OGDH: variants seen among roughly 807,000 people sequenced by gnomAD.
OGDH encodes 2-oxoglutarate dehydrogenase complex component E1.
Under a neutral mutation model 116.6 loss-of-function variants are expected in OGDH, and 38 were observed. That is an observed-to-expected ratio of 0.33 (90% confidence interval 0.25 to 0.43). OGDH has a LOEUF of 0.43. Ranked by LOEUF, OGDH falls within the 20% of genes least tolerant of loss-of-function variation. OGDH has a pLI of 1.00. For synonymous variants in OGDH, 488 were observed against 533.3 expected (o/e 0.92, Z 1.17); for missense variants, 825 against 1,357.2 (o/e 0.61, Z 6.16).
chr7:44,634,448 A>G (rs1196001437), intron 2 of OGDH, among the ~76,000 whole-genome samples: 1 of 152,192 alleles, frequency 6.6e-6, no homozygotes, highest in East Asian at 1.9e-4. Flanking sequence ...CCCAGCAAAT[A>G]TCATTCTGAT....
intron 5 of OGDH, among the ~76,000 whole-genome samples, chr7:44,669,683 C>T (rs1787347793): frequency 6.6e-6 from 1 of 151,962 alleles, no homozygotes; most frequent in African/African-American, 2.4e-5. Flanking sequence ...GAAGGGCTGC[C>T]TCCCTTTCAG....
rs566040898 is a variant in OGDH at position 44,645,017 on chromosome 7, G to A, written c.223-310G>A. On this transcript the variant is annotated intron_variant, in intron 2 of 22. Transcript: ENST00000222673. ...TCCCCAGGCCCAGTGAATAGGAACT[G>A]AGGAGAGCTGTTGGCATTGGGCCTT... is the stretch of plus-strand genomic sequence containing the variant. Among the ~76,000 whole-genome samples, 9 of 152,340 alleles carry A rather than the reference G, an allele frequency of 5.9e-5. No individual in the cohort carries two copies. In the South Asian group the frequency reaches 1.2e-3, roughly 21 times the overall value.
At position 44,701,780 on chromosome 7, in the gene OGDH, C is replaced by T. The variant is rs546973985; in HGVS notation, c.2632+165C>T. Among the ~76,000 whole-genome samples, 11 of 152,252 alleles carry T rather than the reference C, an allele frequency of 7.2e-5. No homozygotes were observed. In the East Asian group the frequency reaches 9.7e-4, roughly 13 times the overall value. ...ATACATGGCTGGGCACAGTGGCTCA[C>T]GCCTGTAATCCCAGCACTTTGGGAG... On this transcript the variant is annotated intron_variant, in intron 20 of 22. Coordinates refer to ENST00000222673, the MANE Select transcript of OGDH (RefSeq NM_002541.4).
chr7:44,632,461 CCTGA>C (rs1254295443), intron 2 of OGDH, among the ~76,000 whole-genome samples: 56 of 152,278 alleles, frequency 3.7e-4, no homozygotes, highest in Middle Eastern at 3.4e-3. Flanking sequence ...CACCACCATG[CCTGA>C]CTAATATTTT....
chr7:44,681,894 T>G, intron 10 of OGDH, 46 bp downstream of exon 10: 4 of 1,602,494 alleles, frequency 2.5e-6, no homozygotes, highest in Non-Finnish European at 3.4e-6. Flanking sequence ...TCAGTCTTAC[T>G]TAGAATGACA....
At chr7:44,636,567 A>G (rs1374248614) in intron 2 of OGDH, among the ~76,000 whole-genome samples, 1 of 152,226 alleles carries the variant, frequency 6.6e-6, no homozygotes, top group African/African-American at 2.4e-5. Flanking sequence ...ATATCATCTG[A>G]ATTTAATTCA....
At chr7:44,628,009 G>A (rs1315099967) in intron 2 of OGDH, among the ~76,000 whole-genome samples, 1 of 152,156 alleles carries the variant, frequency 6.6e-6, no homozygotes, top group African/African-American at 2.4e-5. Flanking sequence ...GTTTTATAGT[G>A]TTTCCAAGCA....
In OGDH at chr7:44,693,862, C is replaced by T. The variant is rs2116337965; in HGVS notation, c.1373C>T (p.Ser458Phe). 1 of 1,609,352 alleles carries T rather than the reference C, an allele frequency of 6.2e-7. No homozygotes were observed. ...FTTDPRMARS[S>F]PYPTDVARVV... ...ACCGACCCTCGGATGGCCCGCTCCT[C>T]CCCCTACCCCACTGACGTGGCCCGA... The change falls in exon 11 of 23, where the codon TCC becomes TTC. Residue 458 changes from serine to phenylalanine, a missense_variant. Coordinates refer to ENST00000222673, the MANE Select transcript of OGDH (RefSeq NM_002541.4).
At chr7:44,639,246 A>T (rs1247752642) in intron 2 of OGDH, among the ~76,000 whole-genome samples, 1 of 152,274 alleles carries the variant, frequency 6.6e-6, no homozygotes, top group East Asian at 1.9e-4. Context: ...GAGAAGAGGT[A>T]TCTCCTTGGG....
At chr7:44,654,425 A>G (rs1786594836) in intron 4 of OGDH, among the ~76,000 whole-genome samples, 2 of 152,236 alleles carry the variant, frequency 1.3e-5, no homozygotes, top group Admixed American at 1.3e-4. Context: ...CAAAGTTTCC[A>G]CATATCCTCC....
rs1003628110 is a variant in OGDH, at chr7:44,708,851, C to A, written c.*852C>A. 1 of 152,136 alleles carries A rather than the reference C, an allele frequency of 6.6e-6. No homozygotes were observed. Among genetic ancestry groups the A allele is most frequent in the South Asian group, 2.1e-4 (1 of 4,828 alleles). 9.4% of individuals were successfully genotyped at this position (152,136 alleles called of 1,614,324 possible). A position where few individuals can be genotyped will look rare whatever the true frequency, so the allele number is the denominator to read the frequency against. On this transcript the variant is annotated 3_prime_UTR_variant, in exon 23 of 23. Transcript: ENST00000222673. ...ACCCAATGGAGACTTTCTGATGCAT[C>A]GTTTTCTTTGCTGTGCCAAAGCAGG...
chr7:44,676,315 G>A, intron 9 of OGDH, 166 bp downstream of exon 9: 2 of 1,470,428 alleles, frequency 1.4e-6, no homozygotes, highest in East Asian at 2.5e-5. Context: ...CAGCACTTTG[G>A]GAGGCCGAGG....
At chr7:44,698,051 G>T (rs1788662871) in intron 17 of OGDH, 141 bp from the exon 18 acceptor site, 1 of 982,314 alleles carries the variant, frequency 1.0e-6, no homozygotes, top group South Asian at 1.5e-5. Flanking sequence ...TGCTTTGCTG[G>T]TGGGAGGGGG....
intron 1 of OGDH, among the ~76,000 whole-genome samples, chr7:44,613,223 T>A (rs1784635421): frequency 6.6e-6 from 1 of 151,990 alleles, no homozygotes. Context: ...TCGCCCAGGC[T>A]GGAATGCAGT....
At chr7:44,643,152 GTTTTT>G (rs1025312487) in intron 2 of OGDH, among the ~76,000 whole-genome samples, 1 of 143,990 alleles carries the variant, frequency 6.9e-6, no homozygotes, top group African/African-American at 2.5e-5. Context: ...GTGGAGTTTT[GTTTTT>G]AACAGATGGG....
intron 2 of OGDH, among the ~76,000 whole-genome samples, chr7:44,633,252 C>CA (rs1163808681): frequency 0.031 from 2,495 of 81,014 alleles, 101 homozygotes; most frequent in African/African-American, 0.095. Context: ...GACTCTGTGT[C>CA]AAAAAAAAAA....
intron 2 of OGDH, among the ~76,000 whole-genome samples, chr7:44,636,158 C>G (rs1785660458): frequency 6.6e-6 from 1 of 152,238 alleles, no homozygotes. Context: ...ACCTGGGGAC[C>G]CAGGAGGTGG....
chr7:44,616,244 T>C (rs573115010), intron 1 of OGDH, among the ~76,000 whole-genome samples: 1 of 152,298 alleles, frequency 6.6e-6, no homozygotes, highest in Admixed American at 6.5e-5. Context: ...ATTTACACTC[T>C]ATCAATACCT....
At chr7:44,629,780 A>C (rs928776369) in intron 2 of OGDH, among the ~76,000 whole-genome samples, 1 of 151,894 alleles carries the variant, frequency 6.6e-6, no homozygotes. Flanking sequence ...GGGTTTCACC[A>C]TGTTGGCCAG....
Sources: gnomAD v4.1 joint callset for allele counts (sites outside exome capture counted in the v4.1 genomes callset) on GRCh38, gnomAD v4.1.1 for gene constraint, MANE v1.5 for transcripts, NCBI Gene and HGNC (gene_info 2026-07-23, HGNC 2026-07-21) for gene names.